Variants in ROBO1 observed in about 807,000 individuals in gnomAD.
The protein encoded by ROBO1 is roundabout homolog 1.
A neutral mutation model predicts 195.9 loss-of-function variants in ROBO1; 149 were observed. That is an observed-to-expected ratio of 0.76 (90% CI 0.67 to 0.87). The LOEUF is 0.87. Among genes scored for constraint, ROBO1 ranks in the 40% least tolerant of loss-of-function variants. The pLI is 0.00. For missense variants in ROBO1, 1,933 were observed against 2,068.3 expected (o/e 0.93, Z 1.27); for synonymous variants, 816 against 733.2 (o/e 1.11, Z -1.82).
rs533079898 is a variant in ROBO1, at chr3:78,878,581, C to T, written c.499+60020G>A. Among the ~76,000 whole-genome samples, 7 of 69,790 alleles carry T rather than the reference C, an allele frequency of 1.0e-4. No individual in the cohort carries two copies. In the South Asian group the frequency reaches 2.6e-3, roughly 26 times the overall value. 45.8% of individuals were successfully genotyped at this position (69,790 alleles called of 152,430 possible). On this transcript the variant is annotated intron_variant, in intron 4 of 30. Coordinates refer to ENST00000464233, the MANE Select transcript of ROBO1 (RefSeq NM_002941.4). The stretch of plus-strand genomic sequence containing the variant: ...CCTGGGCAAAAGAGTGAAACCCCAT[C>T]TCAAAAAAAAAAAAAAAAAAAAAAA...
chr3:79,186,864 G>A (rs2081449275), intron 2 of ROBO1, among the ~76,000 whole-genome samples: 1 of 152,126 alleles, frequency 6.6e-6, no homozygotes, highest in Admixed American at 6.6e-5. Flanking sequence ...GAAATGTTGA[G>A]ATTTCCTCGG....
intron 1 of ROBO1, among the ~76,000 whole-genome samples, chr3:79,650,390 C>T (rs1945967439): frequency 6.6e-6 from 1 of 151,326 alleles, no homozygotes; most frequent in African/African-American, 2.4e-5. Flanking sequence ...CAATTTATAA[C>T]CATTAAATAG....
chr3:79,636,809 T>C (rs747445620), intron 1 of ROBO1, among the ~76,000 whole-genome samples: 1 of 152,204 alleles, frequency 6.6e-6, no homozygotes, highest in Non-Finnish European at 1.5e-5. Context: ...GAAATGACTT[T>C]TATGCAACTA....
At chr3:78,814,374 G>A (rs931824686) in intron 4 of ROBO1, among the ~76,000 whole-genome samples, 2 of 151,858 alleles carry the variant, frequency 1.3e-5, no homozygotes. Context: ...TTGTTAATCA[G>A]ATATTTTATA....
chr3:79,216,138 T>C (rs1348751705), intron 2 of ROBO1, among the ~76,000 whole-genome samples: 1 of 152,120 alleles, frequency 6.6e-6, no homozygotes, highest in Non-Finnish European at 1.5e-5. Flanking sequence ...GGTTTTGGCA[T>C]ATATAAACTT....
chr3:79,690,448 A>T (rs190187764), intron 1 of ROBO1, among the ~76,000 whole-genome samples: 1 of 152,058 alleles, frequency 6.6e-6, no homozygotes, highest in East Asian at 2.0e-4. Context: ...GGAAAAGGCA[A>T]AAACAAAACA....
intron 21 of ROBO1, among the ~76,000 whole-genome samples, chr3:78,641,477 A>T (rs1705950627): frequency 6.6e-6 from 1 of 152,246 alleles, no homozygotes; most frequent in Non-Finnish European, 1.5e-5. Flanking sequence ...CGTGATTTGA[A>T]GAGTAACGTT....
chr3:79,730,839 G>T (rs1042454099), intron 1 of ROBO1, among the ~76,000 whole-genome samples: 3 of 135,628 alleles, frequency 2.2e-5, no homozygotes, highest in Non-Finnish European at 4.6e-5. Flanking sequence ...GTGCAGTAGC[G>T]CAGTCTTGGC....
chr3:79,309,434 A>C (rs1251438725), intron 2 of ROBO1, among the ~76,000 whole-genome samples: 2 of 151,868 alleles, frequency 1.3e-5, no homozygotes, highest in Non-Finnish European at 2.9e-5. Context: ...CAGTCTCTAC[A>C]AAAAAATATG....
intron 2 of ROBO1, among the ~76,000 whole-genome samples, chr3:79,280,415 T>C (rs2031415665): frequency 6.6e-6 from 1 of 152,128 alleles, no homozygotes; most frequent in South Asian, 2.1e-4. Context: ...TATACAAAAG[T>C]TGGTAGAAAA....
intron 4 of ROBO1, among the ~76,000 whole-genome samples, chr3:78,787,909 A>G (rs2083885806): frequency 6.9e-6 from 1 of 143,950 alleles, no homozygotes. Flanking sequence ...GCCTGGCCAC[A>G]GAGTTAGACC....
chr3:78,701,507 A>C (rs547825143), intron 8 of ROBO1, among the ~76,000 whole-genome samples: 76 of 152,318 alleles, frequency 5.0e-4, no homozygotes, highest in African/African-American at 1.7e-3. Flanking sequence ...TCTAGCATAG[A>C]GTTATATGAT....
intron 4 of ROBO1, among the ~76,000 whole-genome samples, chr3:78,748,657 T>C (rs1328388924): frequency 6.6e-6 from 1 of 152,038 alleles, no homozygotes; most frequent in Non-Finnish European, 1.5e-5. Flanking sequence ...TTTCAAAACC[T>C]CAAACCAGTT....
intron 3 of ROBO1, among the ~76,000 whole-genome samples, chr3:78,950,485 G>A (rs986366276): frequency 2.3e-5 from 3 of 128,012 alleles, no homozygotes; most frequent in Non-Finnish European, 4.7e-5. Flanking sequence ...CACAGGAAGG[G>A]GAACATCACA....
intron 2 of ROBO1, among the ~76,000 whole-genome samples, chr3:79,333,205 TAA>T (rs72117935): frequency 1.3e-4 from 17 of 130,312 alleles, no homozygotes; most frequent in East Asian, 6.6e-4. Flanking sequence ...AGACTCTGTC[TAA>T]AAAAAAAAAA....
At chr3:78,895,564 T>G (rs2037175874) in intron 4 of ROBO1, among the ~76,000 whole-genome samples, 1 of 152,224 alleles carries the variant, frequency 6.6e-6, no homozygotes, top group Admixed American at 6.5e-5. Context: ...ACTAATTAAA[T>G]ATCCTCTTAT....
At chr3:79,387,305 A>C (rs2036786354) in intron 2 of ROBO1, among the ~76,000 whole-genome samples, 1 of 152,118 alleles carries the variant, frequency 6.6e-6, no homozygotes, top group Admixed American at 6.6e-5. Flanking sequence ...TATTAGTATT[A>C]GACTGAGCCC....
intron 3 of ROBO1, among the ~76,000 whole-genome samples, chr3:79,071,287 T>C (rs985447500): frequency 1.3e-4 from 19 of 151,892 alleles, no homozygotes; most frequent in Non-Finnish European, 2.2e-4. Context: ...AACATATGTA[T>C]TTCATTCTCT....
intron 2 of ROBO1, among the ~76,000 whole-genome samples, chr3:79,477,794 A>C (rs1938620583): frequency 6.6e-6 from 1 of 152,228 alleles, no homozygotes; most frequent in Non-Finnish European, 1.5e-5. Context: ...TACATTATGT[A>C]ATTATTAAAC....
Sources: gnomAD v4.1 joint callset for allele counts (sites outside exome capture counted in the v4.1 genomes callset) on GRCh38, gnomAD v4.1.1 for gene constraint, MANE v1.5 for transcripts, NCBI Gene and HGNC (gene_info 2026-07-23, HGNC 2026-07-21) for gene names.